The following MYO3B variants were observed in gnomAD, a reference collection of about 807,000 sequenced individuals.
MYO3B encodes the protein myosin IIIB, also known as myosin-IIIb.
In MYO3B, 156 loss-of-function variants were observed where a neutral mutation model predicts 174.6. The ratio of observed to expected loss-of-function variants is 0.89; its 90% CI spans 0.78 to 1.02. MYO3B has a LOEUF of 1.02. Among genes scored for constraint, MYO3B ranks in the 50% least tolerant of loss-of-function variants. MYO3B has a pLI of 0.00. For synonymous variants in MYO3B, 563 were observed against 569.1 expected, an observed-to-expected ratio of 0.99 and a Z score of 0.15; for missense variants, 1,632 against 1,639.4, an observed-to-expected ratio of 1.00 and a Z score of 0.08.
At chr2:170,365,689 C>A (rs1292773489) in intron 8 of MYO3B, among the ~76,000 whole-genome samples, 1 of 152,106 alleles carries the variant, frequency 6.6e-6, no homozygotes, top group Non-Finnish European at 1.5e-5. Context: ...ATGCCCTTTC[C>A]CTAAAAATCC....
intron 7 of MYO3B, among the ~76,000 whole-genome samples, chr2:170,242,157 C>T (rs1488180299): frequency 2.0e-5 from 3 of 152,124 alleles, no homozygotes; most frequent in African/African-American, 7.2e-5. Context: ...TAGCTATTGG[C>T]CTTTTGAGCA....
At chr2:170,385,974 T>C (rs1343832321) in intron 12 of MYO3B, 1 of 377,532 alleles carries the variant, frequency 2.6e-6, no homozygotes, top group East Asian at 4.1e-5. Flanking sequence ...ATCCCAATAT[T>C]GGACAGATTA....
At chr2:170,376,986 G>A (rs1363407224) in intron 9 of MYO3B, among the ~76,000 whole-genome samples, 1 of 152,094 alleles carries the variant, frequency 6.6e-6, no homozygotes, top group Non-Finnish European at 1.5e-5. Flanking sequence ...AGCGTATCCT[G>A]TCTCACCTAC....
chr2:170,205,157 T>G (rs995763376), intron 3 of MYO3B, among the ~76,000 whole-genome samples: 4 of 152,152 alleles, frequency 2.6e-5, no homozygotes, highest in Non-Finnish European at 4.4e-5. Context: ...AAGATTCCTT[T>G]GTTGTTTTTA....
At chr2:170,580,718 A>ATATATATG (rs768974458) in intron 32 of MYO3B, among the ~76,000 whole-genome samples, 2,427 of 142,706 alleles carry the variant, frequency 0.017, 17 homozygotes, top group Middle Eastern at 0.022. Flanking sequence ...AACCTTATAT[A>ATATATATG]TGTGTGTGTG....
At chr2:170,386,394 T>C in intron 13 of MYO3B, 122 bp downstream of exon 13, 1 of 730,860 alleles carries the variant, frequency 1.4e-6, no homozygotes, top group Non-Finnish European at 2.2e-6. Context: ...ATTCCATCTT[T>C]GCTACGTTTG....
intron 32 of MYO3B, among the ~76,000 whole-genome samples, chr2:170,551,513 A>G (rs1427918924): frequency 7.5e-6 from 1 of 132,974 alleles, no homozygotes; most frequent in South Asian, 2.5e-4. Context: ...TGTCATTGCC[A>G]TAATGTTTGT....
intron 28 of MYO3B, among the ~76,000 whole-genome samples, chr2:170,510,754 C>G (rs1474347053): frequency 6.6e-6 from 1 of 152,202 alleles, no homozygotes; most frequent in Non-Finnish European, 1.5e-5. Flanking sequence ...CTGATAACCA[C>G]TAATGGGTTT....
In MYO3B at chr2:170,543,966, C is replaced by G; in HGVS notation, c.3711C>G (p.Leu1237=). 6.2e-7 allele frequency: 1 copy of G among 1,613,008 alleles called. No homozygotes were observed. The highest frequency in any genetic ancestry group is 8.5e-7 in the Non-Finnish European group (1 of 1,179,188). The change falls in exon 32 of 35, where the codon CTC becomes CTG. Residue 1237 remains leucine (L), a synonymous_variant. Transcript: ENST00000408978. ...CTCCAGATCAGCAAGGATTGAGTCT[C>G]TGGGGAGCCCCTCAAAAGCCTGGTA... ...HPAPDQQGLS[L]WGAPQKPGSE... is the part of the protein sequence containing the mutation.
chr2:170,528,135 G>A (rs1689119352), intron 30 of MYO3B, among the ~76,000 whole-genome samples: 1 of 152,206 alleles, frequency 6.6e-6, no homozygotes, highest in Admixed American at 6.5e-5. Flanking sequence ...AACAAGTGAA[G>A]GGAGATTCTA....
At chr2:170,441,246 G>T (rs565856246) in intron 22 of MYO3B, among the ~76,000 whole-genome samples, 2 of 152,274 alleles carry the variant, frequency 1.3e-5, no homozygotes, top group African/African-American at 4.8e-5. Context: ...TTCTGATGTG[G>T]ATGCCTTTCA....
intron 6 of MYO3B, among the ~76,000 whole-genome samples, chr2:170,230,999 C>T (rs2093009889): frequency 1.3e-5 from 2 of 152,140 alleles, no homozygotes. Context: ...TCTTCGTGAC[C>T]CAAGAGCTGC....
At chr2:170,647,256 A>T (rs1031054347) in intron 32 of MYO3B, among the ~76,000 whole-genome samples, 2 of 152,218 alleles carry the variant, frequency 1.3e-5, no homozygotes, top group African/African-American at 4.8e-5. Context: ...GCTTTAAAGA[A>T]GTCACTTAAC....
intron 22 of MYO3B, among the ~76,000 whole-genome samples, chr2:170,436,679 A>C (rs1450880074): frequency 6.6e-6 from 1 of 152,246 alleles, no homozygotes; most frequent in Non-Finnish European, 1.5e-5. Context: ...CACTGTAGGT[A>C]AAAATGCAAA....
At chr2:170,571,826 GT>G (rs2106279432) in intron 32 of MYO3B, among the ~76,000 whole-genome samples, 1 of 152,294 alleles carries the variant, frequency 6.6e-6, no homozygotes, top group South Asian at 2.1e-4. Flanking sequence ...TCTGACTTGT[GT>G]TCTCTCTGAA....
intron 27 of MYO3B, 137 bp downstream of exon 27, chr2:170,499,945 T>TCC: frequency 1.5e-6 from 1 of 655,634 alleles, no homozygotes; most frequent in Non-Finnish European, 2.5e-6. Context: ...CTTCCTTCCT[T>TCC]CCTTCTTTCC....
chr2:170,622,048 C>T (rs1695965032), intron 32 of MYO3B, among the ~76,000 whole-genome samples: 1 of 152,152 alleles, frequency 6.6e-6, no homozygotes, highest in African/African-American at 2.4e-5. Flanking sequence ...AGCCAAAAGC[C>T]AACTATTTCT....
At chr2:170,605,881 T>G (rs1694778530) in intron 32 of MYO3B, among the ~76,000 whole-genome samples, 1 of 151,940 alleles carries the variant, frequency 6.6e-6, no homozygotes, top group Non-Finnish European at 1.5e-5. Context: ...GTGGCACCAA[T>G]GTCCACCCAA....
intron 7 of MYO3B, among the ~76,000 whole-genome samples, chr2:170,264,348 G>A (rs1458222927): frequency 2.0e-5 from 3 of 152,146 alleles, no homozygotes; most frequent in Non-Finnish European, 4.4e-5. Context: ...TTCCTATGTG[G>A]CAGTCATCAT....
Sources: gnomAD v4.1 joint callset for allele counts (sites outside exome capture counted in the v4.1 genomes callset) on GRCh38, gnomAD v4.1.1 for gene constraint, MANE v1.5 for transcripts, NCBI Gene and HGNC (gene_info 2026-07-23, HGNC 2026-07-21) for gene names.